IPO11: variants seen among roughly 807,000 people sequenced by gnomAD.
IPO11 encodes the protein importin 11, also known as importin-11.
Under a neutral mutation model 143.2 loss-of-function variants are expected in IPO11, and 66 were observed. The observed-to-expected ratio is 0.46, with a 90% CI of 0.38 to 0.57. The LOEUF (loss-of-function observed/expected upper bound fraction) is 0.57. Among genes scored for constraint, IPO11 ranks in the 20% least tolerant of loss-of-function variants. The pLI is 0.00. For missense variants in IPO11, 1,026 were observed against 1,141.0 expected (o/e 0.90, Z 1.45); for synonymous variants, 385 against 377.8 (o/e 1.02, Z -0.22).
At chr5:62,487,345 G>A (rs967721544) in intron 12 of IPO11, among the ~76,000 whole-genome samples, 2 of 151,794 alleles carry the variant, frequency 1.3e-5, no homozygotes, top group African/African-American at 2.4e-5. Context: ...GCAGTGAGCC[G>A]AAATCACACC....
At chr5:62,533,215 C>CTTTCTT in intron 22 of IPO11, among the ~76,000 whole-genome samples, 1 of 22,914 alleles carries the variant, frequency 4.4e-5, no homozygotes, top group Non-Finnish European at 1.2e-4. Flanking sequence ...TTTCTTTCTT[C>CTTTCTT]TTTTTTTTTT....
At chr5:62,429,086 A>C (rs1743871121) in intron 1 of IPO11, among the ~76,000 whole-genome samples, 1 of 152,230 alleles carries the variant, frequency 6.6e-6, no homozygotes, top group Non-Finnish European at 1.5e-5. Flanking sequence ...AGTAGTTTTT[A>C]GTATATTCAC....
chr5:62,476,857 A>C, intron 9 of IPO11, 104 bp downstream of exon 9: 1 of 1,232,006 alleles, frequency 8.1e-7, no homozygotes, highest in Non-Finnish European at 1.1e-6. Context: ...TAGTGTAAGG[A>C]AACCTATGTT....
At chr5:62,583,965 C>T (rs936911697) in intron 27 of IPO11, among the ~76,000 whole-genome samples, 1 of 152,124 alleles carries the variant, frequency 6.6e-6, no homozygotes, top group African/African-American at 2.4e-5. Flanking sequence ...TTTAATGTGA[C>T]TGTGTCTGAG....
chr5:62,599,353 A>G (rs116809378), intron 28 of IPO11, among the ~76,000 whole-genome samples: 1,663 of 152,318 alleles, frequency 0.011, 26 homozygotes, highest in African/African-American at 0.025. Flanking sequence ...AATAAGGGCA[A>G]TTTTAAAGCA....
Position 62,491,248 on chromosome 5 carries a change from C to T in IPO11, c.1463+1028C>T, listed in dbSNP as rs544416600. ...AGCTGGAGATACTCTAAAAGTAATT[C>T]TTAACAGTAAGTAGCTGTTTATCTC... On this transcript the variant is annotated intron_variant, in intron 15 of 29. Transcript: ENST00000325324. 1.6e-4 allele frequency among the ~76,000 whole-genome samples: 25 copies of T among 152,280 alleles called. No individual in the cohort carries two copies. The East Asian group carries it at 4.8e-3, about 29-fold the overall frequency.
At chr5:62,487,630 A>AT (rs1746457312) in intron 12 of IPO11, 141 bp from the exon 13 acceptor site, 4 of 571,846 alleles carry the variant, frequency 7.0e-6, no homozygotes, top group Non-Finnish European at 9.5e-6. Context: ...TGGTAACCTT[A>AT]CTTTTTTTTT....
intron 27 of IPO11, chr5:62,579,774 T>G (rs2112402108): frequency 6.5e-7 from 1 of 1,543,296 alleles, no homozygotes; most frequent in East Asian, 2.4e-5. Context: ...ATCTATATTT[T>G]CTATTTCTAA....
chr5:62,434,050 G>T (rs1027482278), intron 1 of IPO11, among the ~76,000 whole-genome samples: 5 of 151,972 alleles, frequency 3.3e-5, no homozygotes, highest in African/African-American at 9.7e-5. Flanking sequence ...TGCCCCATTT[G>T]TTCCTGCCCT....
chr5:62,612,768 T>C (rs1745972881), intron 29 of IPO11, among the ~76,000 whole-genome samples: 1 of 152,228 alleles, frequency 6.6e-6, no homozygotes, highest in African/African-American at 2.4e-5. Flanking sequence ...AACTTTTAAA[T>C]GTAAAAATAT....
At position 62,627,316 on chromosome 5, in the gene IPO11, T is replaced by G; in HGVS notation, c.2926T>G (p.Ter976GluextTer16). Residue 976 changes from the stop codon to glutamate, a stop_lost, in exon 30 of 30, where the codon TAA (stop) becomes GAA (glutamate). Transcript: ENST00000325324. ...GCTACAGGAGTTTTTGCAAGGATTC[T>G]AAGAGCACATGACATGTGGCTGCCT... Reference protein sequence around the residue: ...TQLQEFLQGF* With the variant: ...TQLQEFLQGFE 1 of 1,612,336 alleles carries G rather than the reference T, an allele frequency of 6.2e-7. No homozygotes were observed. The highest frequency in any genetic ancestry group is 8.5e-7 in the Non-Finnish European group (1 of 1,178,828).
At chr5:62,597,874 T>A (rs1745286973) in intron 28 of IPO11, among the ~76,000 whole-genome samples, 1 of 152,198 alleles carries the variant, frequency 6.6e-6, no homozygotes, top group Admixed American at 6.5e-5. Flanking sequence ...TGTAGGTAAG[T>A]GACTCCAGGA....
intron 28 of IPO11, among the ~76,000 whole-genome samples, chr5:62,598,424 C>T (rs10070217): frequency 0.09 from 541 of 6,020 alleles, 34 homozygotes; most frequent in African/African-American, 0.27. Flanking sequence ...TTCTTTCTTT[C>T]TTTCTTTCTC....
At chr5:62,467,292 T>G in intron 6 of IPO11, 29 bp downstream of exon 6, 2 of 1,596,838 alleles carry the variant, frequency 1.3e-6, no homozygotes, top group Non-Finnish European at 1.7e-6. Flanking sequence ...TGTTCATTTT[T>G]GAAATGAGAT....
intron 16 of IPO11, among the ~76,000 whole-genome samples, chr5:62,499,068 C>G (rs1741252701): frequency 6.6e-6 from 1 of 151,946 alleles, no homozygotes; most frequent in South Asian, 2.1e-4. Context: ...AAGAAATGGC[C>G]GTCTTCATGG....
At position 62,474,445 on chromosome 5, in the gene IPO11, A is replaced by G. The variant is rs1745886490; in HGVS notation, c.738A>G (p.Leu246=). 7 of 1,576,376 alleles carry G rather than the reference A, an allele frequency of 4.4e-6. 1 individual carries two copies. In the South Asian group the frequency reaches 4.8e-5, roughly 11 times the overall value. The change falls in exon 8 of 30, where the codon CTA becomes CTG. Residue 246 remains leucine, a synonymous_variant. Transcript: ENST00000325324. ...MGFLHGIFER[L]KQFLECSRSI... is the part of the protein sequence containing the mutation. Reference sequence around the variant, plus strand: ...TTTTACATGGAATATTTGAACGTCTAAAACAGTTTCTGGAATGCAGTAAGT... The same window carrying G: ...TTTTACATGGAATATTTGAACGTCTGAAACAGTTTCTGGAATGCAGTAAGT...
chr5:62,582,908 T>A (rs557410887), intron 27 of IPO11, among the ~76,000 whole-genome samples: 2 of 152,178 alleles, frequency 1.3e-5, no homozygotes, highest in African/African-American at 2.4e-5. Context: ...CTTAATATAT[T>A]TGAGAGAAAA....
At chr5:62,589,832 T>C (rs1222601612) in intron 27 of IPO11, among the ~76,000 whole-genome samples, 1 of 152,112 alleles carries the variant, frequency 6.6e-6, no homozygotes, top group Non-Finnish European at 1.5e-5. Context: ...AAAATTGATG[T>C]CATCTGTCCA....
intron 28 of IPO11, among the ~76,000 whole-genome samples, chr5:62,599,399 T>C (rs1745414904): frequency 3.9e-5 from 6 of 152,212 alleles, no homozygotes; most frequent in Admixed American, 3.9e-4. Context: ...GAAAAGTTCA[T>C]TTAGACAACA....
Sources: allele counts gnomAD v4.1 joint callset (sites outside exome capture counted in the v4.1 genomes callset), GRCh38; gene constraint gnomAD v4.1.1; transcripts MANE v1.5; gene names NCBI Gene and HGNC (gene_info 2026-07-23, HGNC 2026-07-21).